Variants in CCDC180 observed in about 807,000 individuals in gnomAD.
CCDC180 encodes the protein coiled-coil domain-containing protein 180.
In CCDC180, 154 loss-of-function variants were observed where a neutral mutation model predicts 209.2. That is an observed-to-expected ratio of 0.74 (90% CI 0.65 to 0.84). The LOEUF (loss-of-function observed/expected upper bound fraction) is 0.84. CCDC180 is among the 40% of genes least tolerant of loss of function. The pLI is 0.00. For missense variants in CCDC180, 1,874 were observed against 1,997.3 expected, an observed-to-expected ratio of 0.94 and a Z score of 1.18; for synonymous variants, 778 against 749.1, an observed-to-expected ratio of 1.04 and a Z score of -0.63.
chr9:97,341,192 T>C (rs1193847645), intron 18 of CCDC180, among the ~76,000 whole-genome samples: 1 of 152,228 alleles, frequency 6.6e-6, no homozygotes, highest in Non-Finnish European at 1.5e-5. Flanking sequence ...TTTTGCTTTG[T>C]ATCCAATAAA....
chr9:97,371,578 C>G lies in CCDC180; in HGVS notation c.4489-17C>G. The stretch of plus-strand genomic sequence containing the variant: ...GATCCTCTCCTAGCAGCACTGTGCT[C>G]ACCATGTTTTTTCCAGGAATGTACC... On this transcript the variant is annotated splice_polypyrimidine_tract_variant and intron_variant, in intron 33 of 36. Transcript: ENST00000529487. The G allele has an allele frequency of 6.5e-7, 1 of 1,542,218 alleles. No individual in the cohort carries two copies. Among genetic ancestry groups the G allele is most frequent in the Non-Finnish European group, 8.9e-7 (1 of 1,118,296 alleles).
At chr9:97,373,150 T>G (rs939870140) in intron 34 of CCDC180, 1 of 152,238 alleles carries the variant, frequency 6.6e-6, no homozygotes, top group Non-Finnish European at 1.5e-5. Flanking sequence ...TCACCTCTGC[T>G]GGGTGGGACT....
In CCDC180 at chr9:97,309,522, G is replaced by A. The variant is rs1832910101; in HGVS notation, c.178G>A (p.Gly60Arg). The A allele has an allele frequency of 1.2e-6, 2 of 1,603,380 alleles. No homozygotes were observed. Among genetic ancestry groups the A allele is most frequent in the Admixed American group, 3.4e-5 (2 of 58,210 alleles). Residue 60 changes from glycine (G) to arginine (R), a missense_variant, in exon 3 of 37, where the codon GGG becomes AGG. Gly to Arg is a moderately radical substitution (Grantham distance 125, BLOSUM62 -2). Coordinates refer to ENST00000529487, the MANE Select transcript of CCDC180 (RefSeq NM_020893.6). ...PMMKKVETPE[G>R]EVMSPRQQKW... The stretch of plus-strand genomic sequence containing the variant: ...GATGAAGAAGGTGGAGACTCCTGAA[G>A]GGGAGGTGATGTCTCCCCGACAGCA...
intron 13 of CCDC180, 132 bp downstream of exon 13, chr9:97,324,035 C>G (rs1833444732): frequency 8.9e-7 from 1 of 1,119,918 alleles, no homozygotes; most frequent in South Asian, 1.6e-5. Flanking sequence ...TTGTCAGCCC[C>G]TCTCAGAGTA....
At chr9:97,316,198 C>T (rs1462278802) in intron 8 of CCDC180, among the ~76,000 whole-genome samples, 1 of 152,238 alleles carries the variant, frequency 6.6e-6, no homozygotes, top group Non-Finnish European at 1.5e-5. Flanking sequence ...ATTATTACAA[C>T]TTGCATTTGC....
intron 22 of CCDC180, among the ~76,000 whole-genome samples, 168 bp downstream of exon 22, chr9:97,350,723 G>T (rs1399638093): frequency 1.3e-5 from 2 of 152,202 alleles, no homozygotes; most frequent in Non-Finnish European, 2.9e-5. Context: ...TATCCTGGTT[G>T]TTGTGCTACC....
intron 3 of CCDC180, among the ~76,000 whole-genome samples, chr9:97,310,734 C>T (rs1418904973): frequency 2.6e-5 from 4 of 152,146 alleles, no homozygotes; most frequent in Non-Finnish European, 5.9e-5. Flanking sequence ...CTGCCCTGAC[C>T]TGGCCTTTGA....
rs1378138482 is a variant in CCDC180 at position 97,349,186 on chromosome 9, T to C, written c.2750T>C (p.Leu917Pro). ...GVTETLKKKRLMFCQFQEEQN... is the reference protein window; with the variant it reads ...GVTETLKKKRPMFCQFQEEQN... Reference sequence around the variant, plus strand: ...ACCGAGACGCTGAAGAAGAAGCGGCTGATGTTCTGCCAGTTCCAAGAAGAG... The same window carrying C: ...ACCGAGACGCTGAAGAAGAAGCGGCCGATGTTCTGCCAGTTCCAAGAAGAG... The change falls in exon 21 of 37, where the codon CTG (leucine) becomes CCG (proline). Residue 917 changes from leucine to proline, a missense_variant. Transcript: ENST00000529487. 1 of 1,536,298 alleles carries C rather than the reference T, an allele frequency of 6.5e-7. No homozygotes were observed. Among genetic ancestry groups the C allele is most frequent in the Non-Finnish European group, 8.7e-7 (1 of 1,146,986 alleles).
At chr9:97,318,668 G>A in intron 10 of CCDC180, 86 bp downstream of exon 10, 9 of 1,544,134 alleles carry the variant, frequency 5.8e-6, no homozygotes, top group Non-Finnish European at 7.0e-6. Context: ...GTCCCCCAAG[G>A]CATCCTTCAG....
chr9:97,374,605 C>A lies in CCDC180; in HGVS notation c.4663C>A (p.Leu1555Met), dbSNP rs752723981. 6.2e-6 allele frequency: 10 copies of A among 1,614,146 alleles called. No homozygotes were observed. Among genetic ancestry groups the A allele is most frequent in the Non-Finnish European group, 8.5e-6 (10 of 1,180,032 alleles). Residue 1555 changes from leucine (L) to methionine (M), a missense_variant, in exon 35 of 37, where the codon CTG becomes ATG. Physicochemically the swap from Leu to Met is conservative, Grantham distance 15. Coordinates refer to ENST00000529487, the MANE Select transcript of CCDC180 (RefSeq NM_020893.6). Reference protein sequence around the residue: ...LIRRKLAGLSLKEESEKPLIE... With the variant: ...LIRRKLAGLSMKEESEKPLIE... ...ACGAAGGAAACTCGCTGGGCTCTCCCTGAAGGAAGAGAGTGAGAAACCCCT... is the reference window on the plus strand; with the variant it reads ...ACGAAGGAAACTCGCTGGGCTCTCCATGAAGGAAGAGAGTGAGAAACCCCT...
upstream of CCDC180, chr9:97,307,362 G>A (rs1292301618): frequency 2.0e-6 from 1 of 497,518 alleles, no homozygotes; most frequent in Non-Finnish European, 3.9e-6. Context: ...GGCCCTGGCT[G>A]CCTTGAGAGG....
intron 18 of CCDC180, among the ~76,000 whole-genome samples, chr9:97,340,839 C>T (rs1826056571): frequency 6.6e-6 from 1 of 152,166 alleles, no homozygotes; most frequent in Admixed American, 6.5e-5. Context: ...AGAGTCTGCT[C>T]CTCCACCTCT....
chr9:97,373,149 C>T (rs1827150647), intron 34 of CCDC180: 1 of 152,188 alleles, frequency 6.6e-6, no homozygotes, highest in South Asian at 2.1e-4. Context: ...ATCACCTCTG[C>T]TGGGTGGGAC....
intron 13 of CCDC180, among the ~76,000 whole-genome samples, chr9:97,324,552 G>A (rs1353967617): frequency 6.6e-6 from 1 of 152,206 alleles, no homozygotes; most frequent in Non-Finnish European, 1.5e-5. Flanking sequence ...GCCCACCCCT[G>A]GCCCAGATGA....
At chr9:97,375,783 G>C in intron 36 of CCDC180, 194 bp downstream of exon 36, 1 of 656,022 alleles carries the variant, frequency 1.5e-6, no homozygotes, top group Non-Finnish European at 2.6e-6. Flanking sequence ...ATTAATGTGG[G>C]TCTGAGGCGT....
intron 13 of CCDC180, 51 bp from the exon 14 acceptor site, chr9:97,324,968 G>A (rs1833482393): frequency 1.3e-6 from 2 of 1,566,474 alleles, no homozygotes; most frequent in Admixed American, 3.5e-5. Flanking sequence ...CCTCTTCTTG[G>A]CCCTGGGACT....
intron 15 of CCDC180, 100 bp from the exon 16 acceptor site, chr9:97,327,920 A>G: frequency 8.0e-7 from 1 of 1,255,758 alleles, no homozygotes; most frequent in Non-Finnish European, 1.1e-6. Context: ...GCCACACAGC[A>G]GCTCTACACA....
intron 9 of CCDC180, 29 bp from the exon 10 acceptor site, chr9:97,318,434 T>C (rs1290193343): frequency 1.9e-5 from 30 of 1,611,422 alleles, no homozygotes; most frequent in Non-Finnish European, 2.5e-5. Flanking sequence ...TCCTCTCCCC[T>C]TTATGGTGCC....
chr9:97,329,234 T>A (rs1825654916), intron 16 of CCDC180, among the ~76,000 whole-genome samples: 1 of 152,228 alleles, frequency 6.6e-6, no homozygotes, highest in Non-Finnish European at 1.5e-5. Flanking sequence ...ATCATTTGGA[T>A]CACCTGGGTT....
Sources: gnomAD v4.1 joint callset for allele counts (sites outside exome capture counted in the v4.1 genomes callset) on GRCh38, gnomAD v4.1.1 for gene constraint, MANE v1.5 for transcripts, NCBI Gene and HGNC (gene_info 2026-07-23, HGNC 2026-07-21) for gene names.